Variants in TSGA10 observed in about 807,000 individuals in gnomAD.
The protein encoded by TSGA10 is testis-specific gene 10 protein.
In TSGA10, 43 loss-of-function variants were observed where a neutral mutation model predicts 96.6. The observed-to-expected ratio is 0.44, with a 90% CI of 0.35 to 0.57. The LOEUF is 0.57. Ranked by LOEUF, TSGA10 falls within the 20% of genes least tolerant of loss-of-function variation. The pLI is 0.01. For synonymous variants in TSGA10, 229 were observed against 269.9 expected (o/e 0.85, Z 1.48); for missense variants, 703 against 834.4 (o/e 0.84, Z 1.94).
At chr2:99,042,176 T>C (rs1181192089) in intron 16 of TSGA10, among the ~76,000 whole-genome samples, 2 of 151,776 alleles carry the variant, frequency 1.3e-5, no homozygotes, top group African/African-American at 4.8e-5. Flanking sequence ...ATTTTGAAGG[T>C]TTGAGTCACT....
At chr2:99,008,292 T>C (rs1180334987) in intron 20 of TSGA10, among the ~76,000 whole-genome samples, 2 of 152,218 alleles carry the variant, frequency 1.3e-5, no homozygotes, top group Non-Finnish European at 2.9e-5. Flanking sequence ...ATTGGTAGCA[T>C]ATATCACCAA....
intron 20 of TSGA10, among the ~76,000 whole-genome samples, 168 bp from the exon 21 acceptor site, chr2:98,998,389 T>C (rs2077615702): frequency 6.6e-6 from 1 of 152,244 alleles, no homozygotes; most frequent in African/African-American, 2.4e-5. Context: ...TTTCACAAAC[T>C]GGTACATTCA....
intron 2 of TSGA10, among the ~76,000 whole-genome samples, chr2:99,123,787 T>A (rs1394188880): frequency 6.6e-6 from 1 of 152,248 alleles, no homozygotes; most frequent in Non-Finnish European, 1.5e-5. Flanking sequence ...TTGAGGTTCA[T>A]TCATTTTGCA....
intron 20 of TSGA10, among the ~76,000 whole-genome samples, chr2:99,011,032 AC>A (rs1330198265): frequency 2.0e-5 from 3 of 151,670 alleles, no homozygotes; most frequent in South Asian, 4.2e-4. Flanking sequence ...TGAGAACCAT[AC>A]CCCCATCCCC....
At chr2:99,031,528 T>TCAATTAAAA in intron 17 of TSGA10, among the ~76,000 whole-genome samples, 1 of 152,144 alleles carries the variant, frequency 6.6e-6, no homozygotes, top group Non-Finnish European at 1.5e-5. Flanking sequence ...GAAAACTTTT[T>TCAATTAAAA]AATTGAGAAA....
At chr2:99,040,504 T>C (rs1307930106) in intron 16 of TSGA10, among the ~76,000 whole-genome samples, 2 of 151,818 alleles carry the variant, frequency 1.3e-5, no homozygotes, top group East Asian at 1.9e-4. Context: ...CCTTTTACAA[T>C]AGCAAAAACA....
chr2:99,087,248 T>C (rs544715952), intron 10 of TSGA10, among the ~76,000 whole-genome samples: 1 of 151,998 alleles, frequency 6.6e-6, no homozygotes, highest in African/African-American at 2.4e-5. Context: ...AGCTAATGCC[T>C]GTAATCCCGT....
intron 10 of TSGA10, among the ~76,000 whole-genome samples, chr2:99,094,211 T>C (rs1029031633): frequency 1.3e-5 from 2 of 152,188 alleles, no homozygotes; most frequent in African/African-American, 2.4e-5. Flanking sequence ...TGTAGAAGAA[T>C]GAAACTGGAT....
chr2:99,127,277 T>A, intron 1 of TSGA10, 101 bp from the exon 2 acceptor site: 1 of 995,830 alleles, frequency 1.0e-6, no homozygotes, highest in South Asian at 2.0e-5. Context: ...ATTCTTAGAT[T>A]TTTTTTAACC....
At chr2:99,109,699 G>T in intron 5 of TSGA10, 187 bp from the exon 6 acceptor site, 1 of 326,910 alleles carries the variant, frequency 3.1e-6, no homozygotes, top group Non-Finnish European at 5.2e-6. Context: ...TTATATATCA[G>T]TAATTTTTAA....
At chr2:99,104,237 C>G in intron 9 of TSGA10, 119 bp from the exon 10 acceptor site, 2 of 1,139,530 alleles carry the variant, frequency 1.8e-6, no homozygotes, top group South Asian at 3.2e-5. Context: ...ATGAGATTAT[C>G]AGGTTAGACC....
At chr2:99,024,493 C>A (rs1452788353) in intron 17 of TSGA10, among the ~76,000 whole-genome samples, 1 of 151,986 alleles carries the variant, frequency 6.6e-6, no homozygotes, top group East Asian at 1.9e-4. Flanking sequence ...AATATGATAA[C>A]TGGATATTGA....
At chr2:99,059,078 T>TATATATA (rs2084351134) in intron 16 of TSGA10, among the ~76,000 whole-genome samples, 4 of 140,588 alleles carry the variant, frequency 2.8e-5, no homozygotes, top group African/African-American at 5.2e-5. Context: ...ATTTATATAT[T>TATATATA]TTTATATATA....
intron 17 of TSGA10, among the ~76,000 whole-genome samples, chr2:99,030,593 G>A (rs2081049343): frequency 6.6e-6 from 1 of 152,170 alleles, no homozygotes; most frequent in South Asian, 2.1e-4. Context: ...CAAGACTGCA[G>A]TAATCTGTGT....
At chr2:99,056,572 C>T (rs1338681583) in intron 16 of TSGA10, among the ~76,000 whole-genome samples, 2 of 151,974 alleles carry the variant, frequency 1.3e-5, no homozygotes, top group African/African-American at 4.8e-5. Context: ...TAATACTGCC[C>T]ATAAAGAGGT....
At chr2:99,049,094 G>C (rs1325667796) in intron 16 of TSGA10, among the ~76,000 whole-genome samples, 11 of 152,194 alleles carry the variant, frequency 7.2e-5, no homozygotes, top group African/African-American at 2.7e-4. Flanking sequence ...ATGCTGGAGA[G>C]GATGTGGAGA....
chr2:99,037,837 G>A (rs746390064), intron 16 of TSGA10, among the ~76,000 whole-genome samples: 9 of 152,000 alleles, frequency 5.9e-5, no homozygotes, highest in South Asian at 4.2e-4. Context: ...CAACAAGAGC[G>A]AAACTCCATC....
chr2:99,096,418 A>C (rs2090042761), intron 10 of TSGA10, among the ~76,000 whole-genome samples: 1 of 152,212 alleles, frequency 6.6e-6, no homozygotes. Flanking sequence ...TGCCAATGTC[A>C]CGTCTACTGG....
chr2:99,051,860 A>G (rs2083427417), intron 16 of TSGA10, among the ~76,000 whole-genome samples: 1 of 152,094 alleles, frequency 6.6e-6, no homozygotes, highest in Admixed American at 6.5e-5. Context: ...TGGAAATAAA[A>G]AATATAGTCC....
Sources: gnomAD v4.1 joint callset for allele counts (sites outside exome capture counted in the v4.1 genomes callset) on GRCh38, gnomAD v4.1.1 for gene constraint, MANE v1.5 for transcripts, NCBI Gene and HGNC (gene_info 2026-07-23, HGNC 2026-07-21) for gene names.